Variants in MPP7 observed in about 807,000 individuals in gnomAD.
MPP7 encodes the protein MAGUK p55 subfamily member 7.
In MPP7, 60 loss-of-function variants were observed where a neutral mutation model predicts 76.5. The ratio of observed to expected loss-of-function variants is 0.78; its 90% CI spans 0.64 to 0.97. The LOEUF (loss-of-function observed/expected upper bound fraction) is 0.97. MPP7 is among the 50% of genes least tolerant of loss of function. MPP7 has a pLI of 0.00. For missense variants in MPP7, 641 were observed against 694.0 expected, an observed-to-expected ratio of 0.92 and a Z score of 0.86; for synonymous variants, 237 against 244.5, an observed-to-expected ratio of 0.97 and a Z score of 0.29.
At chr10:28,248,602 A>T (rs1839513966) in intron 1 of MPP7, among the ~76,000 whole-genome samples, 1 of 152,118 alleles carries the variant, frequency 6.6e-6, no homozygotes, top group African/African-American at 2.4e-5. Flanking sequence ...TCTTGTCTAG[A>T]GTCTGTCTTT....
intron 1 of MPP7, among the ~76,000 whole-genome samples, chr10:28,286,127 A>C (rs927155146): frequency 6.6e-6 from 1 of 152,016 alleles, no homozygotes. Flanking sequence ...GGCGGATCAC[A>C]AGGTCAGGAG....
chr10:28,256,374 C>G (rs1839786653), intron 1 of MPP7, among the ~76,000 whole-genome samples: 2 of 149,582 alleles, frequency 1.3e-5, no homozygotes, highest in African/African-American at 4.9e-5. Flanking sequence ...AATATGAATT[C>G]CAATAACAGA....
At chr10:28,332,575 A>T (rs1042817180) in intron 1 of MPP7, among the ~76,000 whole-genome samples, 3 of 152,180 alleles carry the variant, frequency 2.0e-5, no homozygotes, top group Non-Finnish European at 2.9e-5. Flanking sequence ...TATAAAATCA[A>T]CAGGTTTTGA....
intron 11 of MPP7, among the ~76,000 whole-genome samples, chr10:28,099,928 CTTTT>C (rs1425057482): frequency 6.6e-6 from 1 of 151,578 alleles, no homozygotes; most frequent in Non-Finnish European, 1.5e-5. Flanking sequence ...CATTTAAATT[CTTTT>C]TTTCTCACCT....
At chr10:28,326,610 G>A (rs1488859281) in intron 2 of MPP7, among the ~76,000 whole-genome samples, 3 of 152,196 alleles carry the variant, frequency 2.0e-5, no homozygotes, top group Admixed American at 6.5e-5. Context: ...CCTGGCTAAG[G>A]CTAATGTCAC....
intron 5 of MPP7, among the ~76,000 whole-genome samples, chr10:28,146,209 G>A (rs1835697511): frequency 6.6e-6 from 1 of 152,128 alleles, no homozygotes; most frequent in Admixed American, 6.6e-5. Flanking sequence ...TTAACATCAA[G>A]GAACTTTTCT....
At chr10:28,111,504 T>C (rs1319921549) in intron 11 of MPP7, among the ~76,000 whole-genome samples, 2 of 152,188 alleles carry the variant, frequency 1.3e-5, no homozygotes, top group African/African-American at 4.8e-5. Flanking sequence ...TTTATTTTCA[T>C]AGAACAGTTT....
chr10:28,302,494 C>T lies in MPP7; in HGVS notation c.-132+367G>A, dbSNP rs191951859. 7.4e-3 allele frequency among the ~76,000 whole-genome samples: 1,134 copies of T among 152,324 alleles called. 9 individuals carry two copies. The highest frequency in any genetic ancestry group is 0.013 in the Non-Finnish European group (895 of 68,024). On this transcript the variant is annotated intron_variant, in intron 1 of 16. Coordinates refer to ENST00000683449, the MANE Select transcript of MPP7 (RefSeq NM_001318170.2). ...GCTTATCGCTCCCTTTCAGTCGGTT[C>T]TTTTCCCCGGGGAGCCGGACTCTGA...
intron 3 of MPP7, among the ~76,000 whole-genome samples, chr10:28,189,619 T>G (rs1322606858): frequency 1.4e-5 from 2 of 143,044 alleles, no homozygotes; most frequent in Non-Finnish European, 3.0e-5. Flanking sequence ...GTTGTAAATG[T>G]GTGTTGCTAA....
intron 12 of MPP7, among the ~76,000 whole-genome samples, chr10:28,089,026 C>T (rs962986768): frequency 2.6e-5 from 4 of 152,148 alleles, no homozygotes; most frequent in Admixed American, 6.5e-5. Context: ...CAGGACTGTG[C>T]TACCACGCCT....
chr10:28,124,458 G>C (rs898470178), intron 7 of MPP7, among the ~76,000 whole-genome samples: 2 of 130,284 alleles, frequency 1.5e-5, no homozygotes, highest in Non-Finnish European at 3.2e-5. Flanking sequence ...AAATACAGAA[G>C]AAACAAGATT....
intron 11 of MPP7, among the ~76,000 whole-genome samples, chr10:28,097,832 C>T (rs1304824208): frequency 6.6e-6 from 1 of 152,116 alleles, no homozygotes; most frequent in African/African-American, 2.4e-5. Context: ...CTCCCAACCA[C>T]TAGGGGACAA....
intron 1 of MPP7, among the ~76,000 whole-genome samples, chr10:28,240,440 T>C (rs1290300850): frequency 6.6e-6 from 1 of 152,182 alleles, no homozygotes; most frequent in Non-Finnish European, 1.5e-5. Context: ...ATCAAATGGA[T>C]TATTTTAGAC....
intron 1 of MPP7, among the ~76,000 whole-genome samples, chr10:28,269,018 G>A (rs1052518752): frequency 6.6e-6 from 1 of 152,154 alleles, no homozygotes; most frequent in Non-Finnish European, 1.5e-5. Context: ...AAATCCACCT[G>A]TAATTACATA....
At chr10:28,109,444 C>G (rs113085242) in intron 11 of MPP7, among the ~76,000 whole-genome samples, 4 of 152,020 alleles carry the variant, frequency 2.6e-5, no homozygotes, top group African/African-American at 9.7e-5. Flanking sequence ...TGCTTTTCCA[C>G]CGTCTATCAA....
intron 1 of MPP7, among the ~76,000 whole-genome samples, chr10:28,261,526 C>T (rs2132938088): frequency 6.6e-6 from 1 of 152,284 alleles, no homozygotes; most frequent in African/African-American, 2.4e-5. Context: ...TCCAAGGTTG[C>T]AACACCTCCA....
At chr10:28,059,125 G>C (rs1851678310) in intron 14 of MPP7, among the ~76,000 whole-genome samples, 1 of 152,180 alleles carries the variant, frequency 6.6e-6, no homozygotes, top group African/African-American at 2.4e-5. Flanking sequence ...TATTGCTTCT[G>C]ATAGCCTAAA....
At chr10:28,254,004 GAAAAAAAAAAAAAAAA>G (rs199511617) in intron 1 of MPP7, among the ~76,000 whole-genome samples, 10 of 92,320 alleles carry the variant, frequency 1.1e-4, no homozygotes, top group Admixed American at 4.5e-4. Flanking sequence ...TCACAAAAAA[GAAAAAAAAAAAAAAAA>G]AAAAAAAAAA....
At chr10:28,058,924 A>G (rs897488697) in intron 14 of MPP7, among the ~76,000 whole-genome samples, 1 of 152,216 alleles carries the variant, frequency 6.6e-6, no homozygotes, top group African/African-American at 2.4e-5. Context: ...TAAGCCAAAC[A>G]ATAGAAACTA....
Sources: gnomAD v4.1 joint callset for allele counts (sites outside exome capture counted in the v4.1 genomes callset) on GRCh38, gnomAD v4.1.1 for gene constraint, MANE v1.5 for transcripts, NCBI Gene and HGNC (gene_info 2026-07-23, HGNC 2026-07-21) for gene names.